SCRT2: variants seen among roughly 807,000 people sequenced by gnomAD.
The protein encoded by SCRT2 is scratch family transcriptional repressor 2.
In SCRT2, 2 loss-of-function variants were observed where a neutral mutation model predicts 3.7. The observed-to-expected ratio is 0.54, with a 90% CI of 0.22 to 1.70. The LOEUF (loss-of-function observed/expected upper bound fraction) is 1.70. Among genes scored for constraint, SCRT2 ranks in the 40% most tolerant of loss-of-function variants. The pLI is 0.19. For missense variants in SCRT2, 456 were observed against 468.5 expected (o/e 0.97, Z 0.25); for synonymous variants, 256 against 220.6 (o/e 1.16, Z -1.42).
Position 665,136 on chromosome 20 carries a change from T to G in SCRT2, c.134-675A>C, listed in dbSNP as rs1166388958. Among the ~76,000 whole-genome samples the G allele has an allele frequency of 1.3e-5, 2 of 152,114 alleles. No individual in the cohort carries two copies. Among genetic ancestry groups the G allele is most frequent in the Admixed American group, 6.5e-5 (1 of 15,276 alleles). ...TGATGTGTAAGGAAATGAACAAAGG[T>G]GGGGGAGCATACAGTAATTGCTATA... On this transcript the variant is annotated intron_variant, in intron 1 of 1. Coordinates refer to ENST00000246104, the MANE Select transcript of SCRT2 (RefSeq NM_033129.4). The surrounding 1 kb of genome is among the most constrained non-coding windows in gnomAD (Gnocchi z 5.0).
At chr20:674,399 T>TCTCTCTCA (rs1399542427) in intron 1 of SCRT2, among the ~76,000 whole-genome samples, 1 of 106,732 alleles carries the variant, frequency 9.4e-6, no homozygotes, top group Non-Finnish European at 1.8e-5. Context: ...TCTCTCTCTC[T>TCTCTCTCA]CACACACACA....
chr20:663,536 C>A lies in SCRT2; in HGVS notation c.*135G>T, dbSNP rs1984029913. 2 of 820,504 alleles carry A rather than the reference C, an allele frequency of 2.4e-6. No individual in the cohort carries two copies. The highest frequency in any genetic ancestry group is 3.3e-6 in the Non-Finnish European group (2 of 606,786). 50.8% of individuals were successfully genotyped at this position (820,504 alleles called of 1,614,324 possible). A position where few individuals can be genotyped will look rare whatever the true frequency, so the allele number is the denominator to read the frequency against. On this transcript the variant is annotated 3_prime_UTR_variant, in exon 2 of 2. Transcript: ENST00000246104. The surrounding 1 kb of genome is among the most constrained non-coding windows in gnomAD (Gnocchi z 6.9). The stretch of plus-strand genomic sequence containing the variant: ...GGGGGTTGGGGAGAAAAGTTCCGGG[C>A]CGGGCCGGGGGTCCCCACGAGAGGG...
intron 1 of SCRT2, among the ~76,000 whole-genome samples, chr20:672,933 G>T (rs1004508731): frequency 1.3e-5 from 2 of 151,956 alleles, no homozygotes; most frequent in African/African-American, 4.8e-5. Context: ...ACCAGGAGCC[G>T]GCGGGCTCTC....
chr20:666,388 C>T lies in SCRT2; in HGVS notation c.134-1927G>A, dbSNP rs533028921. 3.8e-4 allele frequency among the ~76,000 whole-genome samples: 58 copies of T among 152,276 alleles called. No homozygotes were observed. Among genetic ancestry groups the T allele is most frequent in the Non-Finnish European group, 1.3e-4 (9 of 68,008 alleles). ...ACCCGTCAGGCACTCCCAGACCCCC[C>T]TCCTTCTCCTTCTGTATTTCCTCAC... On this transcript the variant is annotated intron_variant, in intron 1 of 1. Coordinates refer to ENST00000246104, the MANE Select transcript of SCRT2 (RefSeq NM_033129.4). The surrounding 1 kb of genome is among the most constrained non-coding windows in gnomAD (Gnocchi z 4.4).
At position 663,255 on chromosome 20, in the gene SCRT2, T is replaced by TG; in HGVS notation, c.*415dup. On this transcript the variant is annotated 3_prime_UTR_variant, in exon 2 of 2. Transcript: ENST00000246104. The surrounding 1 kb of genome is among the most constrained non-coding windows in gnomAD (Gnocchi z 6.9). ...AAGGGTATAGGTTTGCGGCTTTCAT[T>TG]GGGGGCTCCAGTAGAGGAATGGTCA... The TG allele has an allele frequency of 5.6e-6, 1 of 177,456 alleles. No individual in the cohort carries two copies. 11.0% of individuals were successfully genotyped at this position (177,456 alleles called of 1,614,324 possible). A position where few individuals can be genotyped will look rare whatever the true frequency, so the allele number is the denominator to read the frequency against.
At position 661,617 on chromosome 20, in the gene SCRT2, A is replaced by T. The variant is rs1983951709; in HGVS notation, c.*2054T>A. On this transcript the variant is annotated 3_prime_UTR_variant, in exon 2 of 2. Coordinates refer to ENST00000246104, the MANE Select transcript of SCRT2 (RefSeq NM_033129.4). ...ATGGTGAGTGGCCAAAGTCCCTTTA[A>T]TATCCCTGAATTGCGTTACAAGTAA... 1 of 152,674 alleles carries T rather than the reference A, an allele frequency of 6.5e-6. No homozygotes were observed. Among genetic ancestry groups the T allele is most frequent in the Non-Finnish European group, 1.5e-5 (1 of 68,092 alleles). 9.5% of individuals were successfully genotyped at this position (152,674 alleles called of 1,614,324 possible).
Position 666,324 on chromosome 20 carries a change from C to G in SCRT2, c.134-1863G>C, listed in dbSNP as rs1238598218. On this transcript the variant is annotated intron_variant, in intron 1 of 1. Coordinates refer to ENST00000246104, the MANE Select transcript of SCRT2 (RefSeq NM_033129.4). The surrounding 1 kb of genome is among the most constrained non-coding windows in gnomAD (Gnocchi z 4.4). The stretch of plus-strand genomic sequence containing the variant: ...GGGAACCAGGCCTGGTACTCAGGTC[C>G]CAGAACATTCAGGAGTGTTGTTTCA... Among the ~76,000 whole-genome samples, 3 of 152,048 alleles carry G rather than the reference C, an allele frequency of 2.0e-5. No individual in the cohort carries two copies. Among genetic ancestry groups the G allele is most frequent in the Non-Finnish European group, 4.4e-5 (3 of 67,992 alleles).
chr20:664,200 G>GC lies in SCRT2; in HGVS notation c.394_395insG (p.Ser132CysfsTer258). 1 of 1,037,312 alleles carries GC rather than the reference G, an allele frequency of 9.6e-7. No individual in the cohort carries two copies. Among genetic ancestry groups the GC allele is most frequent in the Non-Finnish European group, 1.2e-6 (1 of 835,132 alleles). 64.3% of individuals were successfully genotyped at this position (1,037,312 alleles called of 1,614,324 possible). A position where few individuals can be genotyped will look rare whatever the true frequency, so the allele number is the denominator to read the frequency against. ...CCCCCCGGCGCCCCCCGCGTCTCCC[G>GC]AGCCCCCCGCGTCCCCGCCGCCCCC... On this transcript the variant is annotated frameshift_variant, in exon 2 of 2. Transcript: ENST00000246104. LOFTEE classifies it low-confidence loss of function (END_TRUNC). The surrounding 1 kb of genome is among the most constrained non-coding windows in gnomAD (Gnocchi z 7.9).
At chr20:673,891 A>G (rs1434017043) in intron 1 of SCRT2, among the ~76,000 whole-genome samples, 1 of 152,078 alleles carries the variant, frequency 6.6e-6, no homozygotes, top group Non-Finnish European at 1.5e-5. Context: ...AAGCTTGCAG[A>G]TATTTCAGTT....
At chr20:670,041 C>A (rs1398178671) in intron 1 of SCRT2, among the ~76,000 whole-genome samples, 1 of 152,226 alleles carries the variant, frequency 6.6e-6, no homozygotes, top group African/African-American at 2.4e-5. Context: ...TTCCCCACCA[C>A]CCCCATCTCT....
At chr20:673,213 C>A (rs1163376594) in intron 1 of SCRT2, among the ~76,000 whole-genome samples, 2 of 152,228 alleles carry the variant, frequency 1.3e-5, no homozygotes, top group Non-Finnish European at 2.9e-5. Flanking sequence ...CCGCTACCCT[C>A]AGCCAGGTGG....
rs988186780 is a variant in SCRT2 at position 675,643 on chromosome 20, C to T, written c.-42G>A. The T allele has an allele frequency of 1.2e-5, 15 of 1,238,356 alleles. No homozygotes were observed. The highest frequency in any genetic ancestry group is 7.1e-5 in the South Asian group (2 of 28,270). The allele number at this position is 1,238,356 out of a possible 1,614,324, so 76.7% of individuals were successfully genotyped here. On this transcript the variant is annotated 5_prime_UTR_variant, in exon 1 of 2. Transcript: ENST00000246104. The surrounding 1 kb of genome is among the most constrained non-coding windows in gnomAD (Gnocchi z 6.9). ...GGCTCGGTGCGGGGAGGCGGCCGGC[C>T]GGGCGCGATCGGCTGTGTCCGCGCG... is the stretch of plus-strand genomic sequence containing the variant.
Position 663,681 on chromosome 20 carries a change from G to A in SCRT2, c.914C>T (p.Pro305Leu), listed in dbSNP as rs1472553281. The A allele has an allele frequency of 4.7e-6, 7 of 1,498,860 alleles. No individual in the cohort carries two copies. In the Admixed American group the frequency reaches 6.3e-5, roughly 13 times the overall value. The allele number at this position is 1,498,860 out of a possible 1,614,324, so 92.8% of individuals were successfully genotyped here. The change falls in exon 2 of 2, where the codon CCG becomes CTG. Residue 305 changes from proline (P) to leucine (L), a missense_variant. Pro to Leu is a moderately conservative substitution (Grantham distance 98). Coordinates refer to ENST00000246104, the MANE Select transcript of SCRT2 (RefSeq NM_033129.4). This position sits in a 1 kb window ranked among gnomAD's most constrained non-coding sequence, Gnocchi z 6.9. ...AEPPPPTPAG[P>L]AS ...GGCGAGGCGGAAGGCTCAGCTGGCCGGGCCGGCGGGGGTCGGCGGGGGTGG... is the reference window on the plus strand; with the variant it reads ...GGCGAGGCGGAAGGCTCAGCTGGCCAGGCCGGCGGGGGTCGGCGGGGGTGG...
In SCRT2 at chr20:667,747, C is replaced by CTT; in HGVS notation, c.134-3287_134-3286insAA. Among the ~76,000 whole-genome samples the CTT allele has an allele frequency of 6.6e-6, 1 of 152,300 alleles. No homozygotes were observed. Among genetic ancestry groups the CTT allele is most frequent in the East Asian group, 1.9e-4 (1 of 5,186 alleles). On this transcript the variant is annotated intron_variant, in intron 1 of 1. Coordinates refer to ENST00000246104, the MANE Select transcript of SCRT2 (RefSeq NM_033129.4). This position sits in a 1 kb window ranked among gnomAD's most constrained non-coding sequence, Gnocchi z 4.4. ...CAGGATAGGAATTGTGAGCCCAGAC[C>CTT]AGACACCCAGTCAGTGGATTTTGGC...
Position 664,438 on chromosome 20 carries a change from G to C in SCRT2, c.157C>G (p.Pro53Ala). ...TTCTGGTCCGCATCGTAGCTGCTCG[G>C]GGGCAGGCGGTGCGGGGCGTACCCT... ...DNGYAPHRLPPSSYDADQKPG... is the reference protein window; with the variant it reads ...DNGYAPHRLPASSYDADQKPG... The change falls in exon 2 of 2, where the codon CCG (proline) becomes GCG (alanine). Residue 53 changes from proline to alanine, a missense_variant. By Grantham distance (27) the Pro-to-Ala change is conservative (BLOSUM62 -1). Coordinates refer to ENST00000246104, the MANE Select transcript of SCRT2 (RefSeq NM_033129.4). The surrounding 1 kb of genome is among the most constrained non-coding windows in gnomAD (Gnocchi z 7.9). 7.8e-7 allele frequency: 1 copy of C among 1,289,396 alleles called. No individual in the cohort carries two copies. The highest frequency in any genetic ancestry group is 9.9e-7 in the Non-Finnish European group (1 of 1,013,860). The allele number at this position is 1,289,396 out of a possible 1,614,324, so 79.9% of individuals were successfully genotyped here.
At position 666,279 on chromosome 20, in the gene SCRT2, G is replaced by T. The variant is rs1420594052; in HGVS notation, c.134-1818C>A. Among the ~76,000 whole-genome samples, 1 of 152,000 alleles carries T rather than the reference G, an allele frequency of 6.6e-6. No individual in the cohort carries two copies. Among genetic ancestry groups the T allele is most frequent in the Non-Finnish European group, 1.5e-5 (1 of 67,994 alleles). On this transcript the variant is annotated intron_variant, in intron 1 of 1. Transcript: ENST00000246104. The surrounding 1 kb of genome is among the most constrained non-coding windows in gnomAD (Gnocchi z 4.4). ...CGTCCCATCTGCCTGTGGTCTGGAGGTCCCCCTGCTTCCCACTCCGGGAAC... is the reference window on the plus strand; with the variant it reads ...CGTCCCATCTGCCTGTGGTCTGGAGTTCCCCCTGCTTCCCACTCCGGGAAC...
At chr20:670,156 G>C (rs1044808814) in intron 1 of SCRT2, among the ~76,000 whole-genome samples, 1 of 152,204 alleles carries the variant, frequency 6.6e-6, no homozygotes, top group East Asian at 1.9e-4. Flanking sequence ...TTTTCAGGGG[G>C]GTATGGAGAT....
intron 1 of SCRT2, among the ~76,000 whole-genome samples, chr20:671,139 C>T (rs1207192779): frequency 6.6e-6 from 1 of 152,164 alleles, no homozygotes; most frequent in Non-Finnish European, 1.5e-5. Flanking sequence ...TGATTCTGGA[C>T]CCAGCACTTT....
rs1183638116 is a variant in SCRT2, at chr20:675,501, A to C, written c.101T>G (p.Leu34Arg). The change falls in exon 1 of 2, where the codon CTG becomes CGG. Residue 34 changes from leucine (L) to arginine (R), a missense_variant. By Grantham distance (102) the Leu-to-Arg change is moderately radical. Transcript: ENST00000246104. The surrounding 1 kb of genome is among the most constrained non-coding windows in gnomAD (Gnocchi z 6.9). ...CCCGGGAGGCCCCCGGGCGCCAGGC[A>C]GCACGTAGGCTGTCTCCAAGGGGTG... The part of the protein sequence containing the change: ...TYHPLETAYV[L>R]PGARGPPGDN... The C allele has an allele frequency of 2.2e-6, 3 of 1,376,162 alleles. No individual in the cohort carries two copies. The highest frequency in any genetic ancestry group is 2.8e-6 in the Non-Finnish European group (3 of 1,060,090). The allele number at this position is 1,376,162 out of a possible 1,614,324, so 85.2% of individuals were successfully genotyped here.
Sources: allele counts gnomAD v4.1 joint callset (sites outside exome capture counted in the v4.1 genomes callset), GRCh38; gene constraint gnomAD v4.1.1; non-coding constraint Gnocchi (gnomAD v3.1); transcripts MANE v1.5; gene names NCBI Gene and HGNC (gene_info 2026-07-23, HGNC 2026-07-21).